The following ZDHHC14 variants were observed in gnomAD, a reference collection of about 807,000 sequenced individuals.
The protein encoded by ZDHHC14 is palmitoyltransferase ZDHHC14.
ZDHHC14 carries 16 observed loss-of-function variants against 47.7 expected under a neutral mutation model. The observed-to-expected ratio is 0.34, with a 90% confidence interval of 0.23 to 0.51. The LOEUF (loss-of-function observed/expected upper bound fraction) is 0.51. Among genes scored for constraint, ZDHHC14 ranks in the 20% least tolerant of loss-of-function variants. The probability of loss-of-function intolerance (pLI) is 0.97; values close to 1 mark genes in which losing one functional copy is unlikely to be tolerated. For synonymous variants in ZDHHC14, 293 were observed against 278.9 expected, an observed-to-expected ratio of 1.05 and a Z score of -0.50; for missense variants, 515 against 662.5, an observed-to-expected ratio of 0.78 and a Z score of 2.44.
intron 2 of ZDHHC14, among the ~76,000 whole-genome samples, chr6:157,562,399 G>A (rs1043965977): frequency 6.6e-6 from 1 of 152,202 alleles, no homozygotes; most frequent in Non-Finnish European, 1.5e-5. Flanking sequence ...AGCTCTGTGA[G>A]CGTGGCGAGG....
chr6:157,468,652 C>T (rs1209157602), intron 1 of ZDHHC14, among the ~76,000 whole-genome samples: 1 of 152,232 alleles, frequency 6.6e-6, no homozygotes, highest in Non-Finnish European at 1.5e-5. Flanking sequence ...AGGCCCTGCT[C>T]TTTTGTGAAG....
chr6:157,674,379 A>G lies in ZDHHC14; in HGVS notation c.*1257A>G, dbSNP rs1373728182. The G allele has an allele frequency of 6.6e-6, 1 of 152,220 alleles. No individual in the cohort carries two copies. Among genetic ancestry groups the G allele is most frequent in the Non-Finnish European group, 1.5e-5 (1 of 68,044 alleles). 9.4% of individuals were successfully genotyped at this position (152,220 alleles called of 1,614,324 possible). A position where few individuals can be genotyped will look rare whatever the true frequency, so the allele number is the denominator to read the frequency against. Reference sequence around the variant, plus strand: ...AGTCTAAGCTGAGATCATGTAGGTCATCATCCTTCCTAGACACTGATCAGA... The same window carrying G: ...AGTCTAAGCTGAGATCATGTAGGTCGTCATCCTTCCTAGACACTGATCAGA... On this transcript the variant is annotated 3_prime_UTR_variant, in exon 9 of 9. Coordinates refer to ENST00000359775, the MANE Select transcript of ZDHHC14 (RefSeq NM_024630.3).
intron 3 of ZDHHC14, among the ~76,000 whole-genome samples, chr6:157,617,635 T>C (rs751678414): frequency 6.6e-6 from 1 of 152,232 alleles, no homozygotes; most frequent in African/African-American, 2.4e-5. Flanking sequence ...TGAGAATTGC[T>C]AGCTTTCTGT....
intron 1 of ZDHHC14, among the ~76,000 whole-genome samples, chr6:157,455,436 CA>C (rs1295621333): frequency 6.6e-6 from 1 of 152,242 alleles, no homozygotes; most frequent in African/African-American, 2.4e-5. Flanking sequence ...TGCCTTTCCT[CA>C]TTGTCCTTCC....
intron 3 of ZDHHC14, among the ~76,000 whole-genome samples, chr6:157,612,424 TCCTGCATGC>T (rs557539925): frequency 1.3e-3 from 197 of 152,340 alleles, no homozygotes; most frequent in African/African-American, 4.3e-3. Flanking sequence ...TGCACCGTAG[TCCTGCATGC>T]CACCTGGGCT....
At chr6:157,519,846 C>T (rs1331902494) in intron 1 of ZDHHC14, among the ~76,000 whole-genome samples, 6 of 152,204 alleles carry the variant, frequency 3.9e-5, no homozygotes, top group African/African-American at 2.4e-5. Flanking sequence ...CTAACAGACC[C>T]GTCCCTACCC....
rs546647226 is a variant in ZDHHC14 at position 157,436,455 on chromosome 6, G to A, written c.245+54189G>A. 2.0e-5 allele frequency among the ~76,000 whole-genome samples: 3 copies of A among 152,194 alleles called. No individual in the cohort carries two copies. In the South Asian group the frequency reaches 6.2e-4, roughly 32 times the overall value. ...GATACGATTGGGTCTGGGCTTTTAGGTCAGTGAATCTGGCAGCAGTAGGAT... is the reference window on the plus strand; with the variant it reads ...GATACGATTGGGTCTGGGCTTTTAGATCAGTGAATCTGGCAGCAGTAGGAT... On this transcript the variant is annotated intron_variant, in intron 1 of 8. Transcript: ENST00000359775.
At chr6:157,625,078 G>C (rs1298968601) in intron 3 of ZDHHC14, among the ~76,000 whole-genome samples, 1 of 152,140 alleles carries the variant, frequency 6.6e-6, no homozygotes, top group Non-Finnish European at 1.5e-5. Flanking sequence ...CCATTCATGA[G>C]AGCAGAGCCC....
intron 1 of ZDHHC14, among the ~76,000 whole-genome samples, chr6:157,400,802 C>T (rs1268066364): frequency 1.3e-5 from 2 of 152,222 alleles, no homozygotes; most frequent in African/African-American, 4.8e-5. Flanking sequence ...CTGCAGCGTT[C>T]CCCCAGGTCC....
At chr6:157,460,126 C>G (rs1779039094) in intron 1 of ZDHHC14, among the ~76,000 whole-genome samples, 2 of 151,272 alleles carry the variant, frequency 1.3e-5, no homozygotes, top group African/African-American at 4.9e-5. Context: ...TCGCCTGAAC[C>G]CGGGAGGCAG....
intron 1 of ZDHHC14, among the ~76,000 whole-genome samples, chr6:157,418,260 C>G (rs966555318): frequency 2.0e-5 from 3 of 152,194 alleles, no homozygotes; most frequent in Admixed American, 6.5e-5. Context: ...AGTTTTTACA[C>G]TTGGTAAAAC....
intron 1 of ZDHHC14, among the ~76,000 whole-genome samples, chr6:157,503,658 C>A (rs895189590): frequency 6.6e-6 from 1 of 152,060 alleles, no homozygotes; most frequent in Non-Finnish European, 1.5e-5. Flanking sequence ...CACAGTATGA[C>A]GAAATGAATT....
rs182396845 is a variant in ZDHHC14, at chr6:157,520,178, T to C, written c.246-22407T>C. Reference sequence around the variant, plus strand: ...GTGTCCTGATCTGGGGCCGTGGCTCTTGGGATAGTCTCTTCCCCAACCTGA... The same window carrying C: ...GTGTCCTGATCTGGGGCCGTGGCTCCTGGGATAGTCTCTTCCCCAACCTGA... On this transcript the variant is annotated intron_variant, in intron 1 of 8. Coordinates refer to ENST00000359775, the MANE Select transcript of ZDHHC14 (RefSeq NM_024630.3). Among the ~76,000 whole-genome samples the C allele has an allele frequency of 1.6e-3, 244 of 152,320 alleles. 3 individuals carry two copies. The highest frequency in any genetic ancestry group is 5.6e-3 in the African/African-American group (234 of 41,566).
chr6:157,608,047 T>C (rs1396489691), intron 3 of ZDHHC14, among the ~76,000 whole-genome samples: 1 of 152,230 alleles, frequency 6.6e-6, no homozygotes, highest in Non-Finnish European at 1.5e-5. Context: ...CCACTGCTTA[T>C]CACTACTGAT....
intron 1 of ZDHHC14, among the ~76,000 whole-genome samples, chr6:157,481,698 C>A (rs1779634560): frequency 6.6e-6 from 1 of 152,192 alleles, no homozygotes; most frequent in Non-Finnish European, 1.5e-5. Flanking sequence ...TCCAGGAAGT[C>A]CTCAGTGCCT....
intron 5 of ZDHHC14, among the ~76,000 whole-genome samples, chr6:157,635,858 C>T (rs1483412193): frequency 6.6e-6 from 1 of 152,168 alleles, no homozygotes; most frequent in Non-Finnish European, 1.5e-5. Flanking sequence ...TTTTATTTTC[C>T]CCTAAAAATC....
intron 1 of ZDHHC14, among the ~76,000 whole-genome samples, chr6:157,484,255 A>G (rs927053014): frequency 6.9e-6 from 1 of 145,954 alleles, no homozygotes; most frequent in Admixed American, 7.0e-5. Flanking sequence ...ACACGAGGTT[A>G]TTTATATATA....
intron 1 of ZDHHC14, among the ~76,000 whole-genome samples, chr6:157,419,917 A>C (rs1455266417): frequency 1.3e-5 from 2 of 152,220 alleles, no homozygotes; most frequent in African/African-American, 4.8e-5. Flanking sequence ...AGTGAATGAG[A>C]GTTCCTGCTG....
Position 157,381,737 on chromosome 6 carries a change from C to T in ZDHHC14, c.-285C>T, listed in dbSNP as rs986150147. ...ACCCGGGGGCCGGCCGGGCTGAGCC[C>T]CGCGCCCCGGGACGCGGGCTGGAAG... On this transcript the variant is annotated 5_prime_UTR_variant, in exon 1 of 9. Transcript: ENST00000359775. 1.4e-5 allele frequency: 2 copies of T among 145,696 alleles called. No individual in the cohort carries two copies. The highest frequency in any genetic ancestry group is 3.0e-5 in the Non-Finnish European group (2 of 65,782). The allele number at this position is 145,696 out of a possible 1,614,324, so 9.0% of individuals were successfully genotyped here. A position where few individuals can be genotyped will look rare whatever the true frequency, so the allele number is the denominator to read the frequency against.
Sources: allele counts gnomAD v4.1 joint callset (sites outside exome capture counted in the v4.1 genomes callset), GRCh38; gene constraint gnomAD v4.1.1; transcripts MANE v1.5; gene names NCBI Gene and HGNC (gene_info 2026-07-23, HGNC 2026-07-21).